Variants in GALNT13 observed in about 807,000 individuals in gnomAD.
GALNT13 encodes polypeptide N-acetylgalactosaminyltransferase 13, also known as UDP-GalNAc:polypeptide N-acetylgalactosaminyltransferase 13.
Under a neutral mutation model 64.2 loss-of-function variants are expected in GALNT13, and 28 were observed. The observed-to-expected ratio is 0.44, with a 90% CI of 0.32 to 0.60. GALNT13 has a LOEUF of 0.60. Among genes scored for constraint, GALNT13 ranks in the 20% least tolerant of loss-of-function variants. The pLI is 0.05. For synonymous variants in GALNT13, 214 were observed against 224.6 expected (o/e 0.95, Z 0.42); for missense variants, 577 against 669.8 (o/e 0.86, Z 1.53).
chr2:154,387,311 A>G (rs982106419), intron 9 of GALNT13, among the ~76,000 whole-genome samples: 1 of 151,124 alleles, frequency 6.6e-6, no homozygotes, highest in Non-Finnish European at 1.5e-5. Flanking sequence ...CATATTTTTA[A>G]TTGACAAGTT....
intron 4 of GALNT13, among the ~76,000 whole-genome samples, chr2:154,240,734 T>C (rs1211383304): frequency 1.3e-5 from 2 of 152,200 alleles, no homozygotes; most frequent in Non-Finnish European, 2.9e-5. Flanking sequence ...TTAGACCCTC[T>C]ACCTTGTCAC....
At chr2:154,344,599 A>G (rs1196376723) in intron 9 of GALNT13, among the ~76,000 whole-genome samples, 1 of 152,020 alleles carries the variant, frequency 6.6e-6, no homozygotes, top group Non-Finnish European at 1.5e-5. Flanking sequence ...GTGGTTTAAT[A>G]ATGCCTGTGG....
chr2:153,960,750 G>A (rs925576029), intron 3 of GALNT13, among the ~76,000 whole-genome samples: 1 of 152,064 alleles, frequency 6.6e-6, no homozygotes, highest in East Asian at 1.9e-4. Flanking sequence ...CGGTGTCCGA[G>A]GCCTGCCTCT....
At chr2:154,244,716 G>T (rs566620303) in intron 6 of GALNT13, among the ~76,000 whole-genome samples, 1 of 152,276 alleles carries the variant, frequency 6.6e-6, no homozygotes, top group Non-Finnish European at 1.5e-5. Context: ...ATTAGATCAA[G>T]AATTAGAGAA....
intron 3 of GALNT13, among the ~76,000 whole-genome samples, chr2:153,966,652 G>A (rs1338759958): frequency 6.6e-6 from 1 of 152,038 alleles, no homozygotes; most frequent in Admixed American, 6.5e-5. Flanking sequence ...ACAGGCGTGA[G>A]CCACCGCGAC....
chr2:153,814,396 C>A, the GALNT13 span, among the ~76,000 whole-genome samples: 33 of 152,160 alleles, frequency 2.2e-4, no homozygotes, highest in African/African-American at 7.9e-4. Context: ...GCCGAGATAG[C>A]GCCACTGCAC....
At chr2:154,186,630 T>G (rs1236092380) in intron 4 of GALNT13, among the ~76,000 whole-genome samples, 1 of 152,124 alleles carries the variant, frequency 6.6e-6, no homozygotes, top group Non-Finnish European at 1.5e-5. Flanking sequence ...TGAGAAACTC[T>G]ACAATAATCC....
chr2:154,031,892 C>A (rs768558740), intron 3 of GALNT13, among the ~76,000 whole-genome samples: 5 of 151,728 alleles, frequency 3.3e-5, no homozygotes, highest in Admixed American at 2.0e-4. Context: ...AAGACCTGAG[C>A]AACACAATAA....
intron 11 of GALNT13, among the ~76,000 whole-genome samples, chr2:154,432,683 C>T (rs374449100): frequency 6.6e-5 from 10 of 152,130 alleles, no homozygotes; most frequent in African/African-American, 2.4e-4. Flanking sequence ...CTTGTAGATG[C>T]ATCATTCCAG....
intron 11 of GALNT13, among the ~76,000 whole-genome samples, chr2:154,429,556 A>G (rs1338993788): frequency 1.3e-5 from 2 of 152,308 alleles, no homozygotes; most frequent in East Asian, 3.9e-4. Context: ...AAGAAAGATA[A>G]CATAAAAGGG....
rs750310169 is a variant in GALNT13, at chr2:154,301,439, G to T, written c.1006G>T (p.Val336Phe). 5 of 1,612,820 alleles carry T rather than the reference G, an allele frequency of 3.1e-6. No individual in the cohort carries two copies. The highest frequency in any genetic ancestry group is 3.3e-5 in the Admixed American group (2 of 59,998). ...IWQCGGSLEI[V>F]TCSHVGHVFR... is the part of the protein sequence containing the mutation. ...GCAATGTGGAGGCTCCTTGGAGATT[G>T]TTACTTGCTCCCATGTTGGTCATGT... Residue 336 changes from valine (V) to phenylalanine (F), a missense_variant, in exon 9 of 13, where the codon GTT (valine) becomes TTT (phenylalanine). By Grantham distance (50) the Val-to-Phe change is conservative. Coordinates refer to ENST00000392825, the MANE Select transcript of GALNT13 (RefSeq NM_052917.4).
At chr2:154,148,476 T>A (rs1313943059) in intron 4 of GALNT13, among the ~76,000 whole-genome samples, 1 of 152,184 alleles carries the variant, frequency 6.6e-6, no homozygotes, top group Non-Finnish European at 1.5e-5. Flanking sequence ...GTATTTCTAG[T>A]TCTAGATCCC....
chr2:153,907,078 G>C lies in GALNT13; in HGVS notation c.-105+6071G>C, dbSNP rs940009155. Among the ~76,000 whole-genome samples the C allele has an allele frequency of 1.6e-4, 25 of 151,576 alleles. No homozygotes were observed. The South Asian group carries it at 4.2e-3, about 25-fold the overall frequency. On this transcript the variant is annotated intron_variant, in intron 2 of 12. Transcript: ENST00000392825. ...AGTGTCTGTTCATATCCTTTGCCCA[G>C]TTTTTGATGGGGTTGTTTGTTTTTT...
At chr2:154,213,305 C>T in intron 4 of GALNT13, among the ~76,000 whole-genome samples, 1 of 152,016 alleles carries the variant, frequency 6.6e-6, no homozygotes. Context: ...GTCTTGAACT[C>T]CTGGGCTCAA....
chr2:153,591,291 T>C, the GALNT13 span, among the ~76,000 whole-genome samples: 16 of 152,092 alleles, frequency 1.1e-4, no homozygotes, highest in East Asian at 5.8e-4. Context: ...AAAACATTGA[T>C]GAAAGAAATA....
intron 3 of GALNT13, among the ~76,000 whole-genome samples, chr2:154,124,968 A>G (rs1682171688): frequency 6.6e-6 from 1 of 152,140 alleles, no homozygotes; most frequent in Admixed American, 6.5e-5. Flanking sequence ...TATTAATAAC[A>G]AACTCTGAGG....
At chr2:154,275,140 T>C (rs1461552843) in intron 8 of GALNT13, among the ~76,000 whole-genome samples, 1 of 152,082 alleles carries the variant, frequency 6.6e-6, no homozygotes, top group African/African-American at 2.4e-5. Flanking sequence ...AGCCTAAAAG[T>C]TTGGAAAATT....
the GALNT13 span, among the ~76,000 whole-genome samples, chr2:153,095,585 C>T: frequency 1.3e-5 from 2 of 152,168 alleles, no homozygotes; most frequent in Non-Finnish European, 2.9e-5. Flanking sequence ...GACACATGCA[C>T]ACATATGTTT....
the GALNT13 span, among the ~76,000 whole-genome samples, chr2:153,484,536 T>C: frequency 1.3e-5 from 2 of 152,180 alleles, no homozygotes; most frequent in Admixed American, 1.3e-4. Context: ...AGCAACCAAA[T>C]TGTTTGCCAA....
Sources: gnomAD v4.1 joint callset for allele counts (sites outside exome capture counted in the v4.1 genomes callset) on GRCh38, gnomAD v4.1.1 for gene constraint, MANE v1.5 for transcripts, NCBI Gene and HGNC (gene_info 2026-07-23, HGNC 2026-07-21) for gene names.